Variants in EVC2 observed in about 807,000 individuals in gnomAD.
The protein encoded by EVC2 is limbin.
Under a neutral mutation model 149.3 loss-of-function variants are expected in EVC2, and 148 were observed. The ratio of observed to expected loss-of-function variants is 0.99; its 90% confidence interval spans 0.87 to 1.14. EVC2 has a LOEUF of 1.14. Ranked by LOEUF, EVC2 falls within the 50% of genes most tolerant of loss-of-function variation. The pLI is 0.00. For synonymous variants in EVC2, 776 were observed against 649.9 expected, an observed-to-expected ratio of 1.19 and a Z score of -2.95; for missense variants, 1,854 against 1,627.3, an observed-to-expected ratio of 1.14 and a Z score of -2.40.
Position 5,681,329 on chromosome 4 carries a change from A to G in EVC2, c.817-16T>C. On this transcript the variant is annotated splice_polypyrimidine_tract_variant and intron_variant, in intron 6 of 21. Coordinates refer to ENST00000344408, the MANE Select transcript of EVC2 (RefSeq NM_147127.5). Reference sequence around the variant, plus strand: ...GTGTTCTGTTCTAGAAAAGGAAAAAAGAAAACACTTTCAGCAACAGTTTGG... The same window carrying G: ...GTGTTCTGTTCTAGAAAAGGAAAAAGGAAAACACTTTCAGCAACAGTTTGG... The G allele has an allele frequency of 6.2e-7, 1 of 1,614,214 alleles. No individual in the cohort carries two copies. Among genetic ancestry groups the G allele is most frequent in the Non-Finnish European group, 8.5e-7 (1 of 1,180,026 alleles).
intron 9 of EVC2, among the ~76,000 whole-genome samples, chr4:5,659,601 T>C (rs1718751831): frequency 6.6e-6 from 1 of 152,096 alleles, no homozygotes; most frequent in Admixed American, 6.5e-5. Flanking sequence ...CTAAACACTC[T>C]TCAGGCAAAA....
chr4:5,543,871 G>A (rs1721563659), intron 21 of EVC2, among the ~76,000 whole-genome samples: 1 of 152,162 alleles, frequency 6.6e-6, no homozygotes, highest in African/African-American at 2.4e-5. Flanking sequence ...CACATTTCTT[G>A]TGCCCAGAAA....
intron 16 of EVC2, among the ~76,000 whole-genome samples, chr4:5,606,096 A>G (rs975961167): frequency 2.6e-5 from 4 of 152,230 alleles, no homozygotes; most frequent in East Asian, 1.9e-4. Flanking sequence ...AGACCTCCTC[A>G]CTGGTACTCC....
At chr4:5,552,958 G>A (rs1721769546) in intron 21 of EVC2, among the ~76,000 whole-genome samples, 1 of 152,206 alleles carries the variant, frequency 6.6e-6, no homozygotes, top group African/African-American at 2.4e-5. Flanking sequence ...TTCACAAACA[G>A]CCAGGAATAT....
At chr4:5,665,673 G>T (rs1719229037) in intron 7 of EVC2, 24 bp from the exon 8 acceptor site, 1 of 1,613,262 alleles carries the variant, frequency 6.2e-7, no homozygotes. Flanking sequence ...AGGAGAGCAG[G>T]ATTCATGTGT....
intron 8 of EVC2, among the ~76,000 whole-genome samples, chr4:5,664,157 GCCC>G (rs907879355): frequency 1.3e-5 from 2 of 152,128 alleles, no homozygotes; most frequent in Non-Finnish European, 2.9e-5. Flanking sequence ...CAGTGTTGGT[GCCC>G]CCATTTTACA....
chr4:5,613,929 C>T lies in EVC2; in HGVS notation c.2829+1493G>A, dbSNP rs981189911. On this transcript the variant is annotated intron_variant, in intron 16 of 21. Transcript: ENST00000344408. This position sits in a 1 kb window ranked among gnomAD's most constrained non-coding sequence, Gnocchi z 4.6. ...CAGTTTCTATGGCTCTTGGCGAGAT[C>T]GTGCATTCGTGTTCTGAGAAATACA... is the stretch of plus-strand genomic sequence containing the variant. 3.3e-5 allele frequency among the ~76,000 whole-genome samples: 5 copies of T among 152,016 alleles called. No individual in the cohort carries two copies. The highest frequency in any genetic ancestry group is 3.9e-4 in the East Asian group (2 of 5,182).
the EVC2 span, among the ~76,000 whole-genome samples, chr4:5,537,303 A>G: frequency 3.9e-5 from 6 of 152,192 alleles, no homozygotes; most frequent in African/African-American, 1.4e-4. Flanking sequence ...GCTATCCTCA[A>G]CTATTCAGTA....
chr4:5,689,003 T>G (rs1720919396), intron 5 of EVC2, among the ~76,000 whole-genome samples, 154 bp downstream of exon 5: 1 of 152,236 alleles, frequency 6.6e-6, no homozygotes, highest in African/African-American at 2.4e-5. Flanking sequence ...TTTTCTCTTT[T>G]TTTGATACCC....
At position 5,690,393 on chromosome 4, in the gene EVC2, G is replaced by A. The variant is rs548300266; in HGVS notation, c.519+872C>T. 4.7e-5 allele frequency among the ~76,000 whole-genome samples: 7 copies of A among 149,820 alleles called. No homozygotes were observed. The East Asian group carries it at 1.4e-3, about 29-fold the overall frequency. ...TGCAGAATATCCTTGCCTGATTACA[G>A]TGTGGGTTGTTGTTTTTTTTTTTTT... On this transcript the variant is annotated intron_variant, in intron 4 of 21. Transcript: ENST00000344408.
At chr4:5,602,571 T>C (rs908296043) in intron 16 of EVC2, among the ~76,000 whole-genome samples, 2 of 151,330 alleles carry the variant, frequency 1.3e-5, no homozygotes, top group Non-Finnish European at 2.9e-5. Flanking sequence ...GAGAGTAAAA[T>C]AGTTTCCTAA....
At chr4:5,617,667 G>A (rs1293407663) in intron 15 of EVC2, among the ~76,000 whole-genome samples, 4 of 152,182 alleles carry the variant, frequency 2.6e-5, no homozygotes, top group Non-Finnish European at 1.5e-5. Flanking sequence ...AGGTGCTCAG[G>A]GAAGGCTTCC....
At position 5,636,882 on chromosome 4, in the gene EVC2, G is replaced by A. The variant is rs990254949; in HGVS notation, c.1470+3632C>T. On this transcript the variant is annotated intron_variant, in intron 10 of 21. Coordinates refer to ENST00000344408, the MANE Select transcript of EVC2 (RefSeq NM_147127.5). The surrounding 1 kb of genome is among the most constrained non-coding windows in gnomAD (Gnocchi z 4.6). ...AAAGCAGTCTGTGGTTTTGTGAGAT[G>A]GAATCACTTGCATGGACTGGAAGGA... Among the ~76,000 whole-genome samples the A allele has an allele frequency of 1.3e-5, 2 of 152,282 alleles. No individual in the cohort carries two copies. Among genetic ancestry groups the A allele is most frequent in the African/African-American group, 2.4e-5 (1 of 41,556 alleles).
rs753626537 is a variant in EVC2 at position 5,576,335 on chromosome 4, G to A, written c.3177C>T (p.Asn1059=). 8 of 1,614,064 alleles carry A rather than the reference G, an allele frequency of 5.0e-6. No individual in the cohort carries two copies. Among genetic ancestry groups the A allele is most frequent in the African/African-American group, 2.7e-5 (2 of 74,916 alleles). The change falls in exon 18 of 22, where the codon AAC becomes AAT. Residue 1059 remains asparagine (N), a synonymous_variant. Transcript: ENST00000344408. The surrounding 1 kb of genome is among the most constrained non-coding windows in gnomAD (Gnocchi z 4.5). ...TTTCAGAATCCACCTCCCCAGGTTC[G>A]TTCAGAATCCCGGGCCCATCGGCCA... ...QWVADGPGIL[N]EPGEVDSERQ...
rs141994002 is a variant in EVC2, at chr4:5,687,289, C to A, written c.707-1810G>T. ...AAAGAAAAGAAAAGAAAAGAAAAAA[C>A]CACCAACAAAATACCTCCTATTACC... On this transcript the variant is annotated intron_variant, in intron 5 of 21. Transcript: ENST00000344408. Among the ~76,000 whole-genome samples the A allele has an allele frequency of 3.7e-3, 565 of 152,106 alleles. 5 individuals carry two copies. Among genetic ancestry groups the A allele is most frequent in the African/African-American group, 0.012 (490 of 41,518 alleles).
chr4:5,576,412 G>A lies in EVC2; in HGVS notation c.3100C>T (p.Gln1034Ter). ...LERKLEDQLV[Q>*]QEAAQQQQAL... The stretch of plus-strand genomic sequence containing the variant: ...TGCTGCTGCTGGGCTGCCTCCTGCT[G>A]CACCAGCTGGTCCTCCAGCTTCCTC... Residue 1034 changes from glutamine (Q) to a stop codon, truncating the protein, a stop_gained, in exon 18 of 22, where the codon CAG (glutamine) becomes TAG (stop). Transcript: ENST00000344408. LOFTEE classifies it high-confidence loss of function. This position sits in a 1 kb window ranked among gnomAD's most constrained non-coding sequence, Gnocchi z 4.5. The A allele has an allele frequency of 6.2e-7, 1 of 1,611,726 alleles. No homozygotes were observed. Among genetic ancestry groups the A allele is most frequent in the Non-Finnish European group, 8.5e-7 (1 of 1,178,946 alleles).
chr4:5,675,732 G>C (rs1719939668), intron 7 of EVC2, among the ~76,000 whole-genome samples: 1 of 152,020 alleles, frequency 6.6e-6, no homozygotes, highest in African/African-American at 2.4e-5. Context: ...ATCACCTGAG[G>C]TCCGGAGTTC....
intron 1 of EVC2, among the ~76,000 whole-genome samples, chr4:5,699,007 G>A (rs552872145): frequency 6.6e-6 from 1 of 152,326 alleles, no homozygotes; most frequent in Non-Finnish European, 1.5e-5. Flanking sequence ...GTGTGTTTCA[G>A]CCCCAGTCCT....
At chr4:5,643,536 CT>C (rs1170706422) in intron 9 of EVC2, among the ~76,000 whole-genome samples, 1 of 152,160 alleles carries the variant, frequency 6.6e-6, no homozygotes, top group Admixed American at 6.5e-5. Context: ...GTTAATCTAT[CT>C]CATGTCAATT....
Sources: gnomAD v4.1 joint callset for allele counts (sites outside exome capture counted in the v4.1 genomes callset) on GRCh38, gnomAD v4.1.1 for gene constraint, Gnocchi (gnomAD v3.1) non-coding constraint, MANE v1.5 for transcripts, NCBI Gene and HGNC (gene_info 2026-07-23, HGNC 2026-07-21) for gene names.